Variants in KCNJ15 observed in about 807,000 individuals in gnomAD.
KCNJ15 encodes the protein ATP-sensitive inward rectifier potassium channel 15.
In KCNJ15, 14 loss-of-function variants were observed where a neutral mutation model predicts 23.0. The ratio of observed to expected loss-of-function variants is 0.61; its 90% CI spans 0.40 to 0.95. KCNJ15 has a LOEUF of 0.95. Among genes scored for constraint, KCNJ15 ranks in the 40% least tolerant of loss-of-function variants. The pLI, the probability that KCNJ15 is intolerant of heterozygous loss-of-function variation, is 0.00. For missense variants in KCNJ15, 388 were observed against 461.8 expected (o/e 0.84, Z 1.46); for synonymous variants, 185 against 183.2 (o/e 1.01, Z -0.08).
intron 1 of KCNJ15, among the ~76,000 whole-genome samples, chr21:38,289,977 C>T (rs917407616): frequency 2.0e-5 from 3 of 152,170 alleles, no homozygotes; most frequent in Non-Finnish European, 4.4e-5. Context: ...ATTTGCCCTC[C>T]GCTGCGGCAC....
intron 1 of KCNJ15, among the ~76,000 whole-genome samples, chr21:38,234,374 C>G (rs1978462057): frequency 2.6e-5 from 4 of 152,134 alleles, no homozygotes; most frequent in Non-Finnish European, 5.9e-5. Flanking sequence ...GATTGGACAC[C>G]CTTGTGTCCA....
chr21:38,276,806 T>G (rs184707859), intron 1 of KCNJ15, among the ~76,000 whole-genome samples: 1 of 152,196 alleles, frequency 6.6e-6, no homozygotes, highest in Non-Finnish European at 1.5e-5. Context: ...TTAAAAATAT[T>G]TTTTAAAACT....
rs554725302 is a variant in KCNJ15, at chr21:38,239,942, G to C, written c.-398-17104G>C. Among the ~76,000 whole-genome samples the C allele has an allele frequency of 4.6e-5, 7 of 152,290 alleles. No individual in the cohort carries two copies. In the South Asian group the frequency reaches 1.4e-3, roughly 32 times the overall value. On this transcript the variant is annotated intron_variant, in intron 1 of 4. Transcript: ENST00000547341. Reference sequence around the variant, plus strand: ...AGTTGACGTTAAAACATTAGAACAAGAATTGTGGTTTATTTACGTTTTCTT... The same window carrying C: ...AGTTGACGTTAAAACATTAGAACAACAATTGTGGTTTATTTACGTTTTCTT...
chr21:38,278,053 A>G (rs1272665650), intron 1 of KCNJ15, among the ~76,000 whole-genome samples: 4 of 152,180 alleles, frequency 2.6e-5, no homozygotes, highest in Middle Eastern at 3.2e-3. Flanking sequence ...GTAAACAGCT[A>G]TGTGTACTGT....
chr21:38,243,072 A>G (rs976355853), intron 1 of KCNJ15, among the ~76,000 whole-genome samples: 10 of 152,152 alleles, frequency 6.6e-5, no homozygotes, highest in Admixed American at 2.0e-4. Flanking sequence ...CTTGCTTTTA[A>G]TCTTCTTATC....
chr21:38,305,533 T>A lies in KCNJ15; in HGVS notation c.*5144T>A, dbSNP rs1233351592. The A allele has an allele frequency of 6.6e-6, 1 of 152,238 alleles. No individual in the cohort carries two copies. The highest frequency in any genetic ancestry group is 1.5e-5 in the Non-Finnish European group (1 of 68,048). The allele number at this position is 152,238 out of a possible 1,614,324, so 9.4% of individuals were successfully genotyped here. A position where few individuals can be genotyped will look rare whatever the true frequency, so the allele number is the denominator to read the frequency against. The stretch of plus-strand genomic sequence containing the variant: ...GATGTCATATATGTAGGCAAAGTCT[T>A]TGTAATCTGAATATAATGCCAGAGA... On this transcript the variant is annotated 3_prime_UTR_variant, in exon 3 of 3. Coordinates refer to ENST00000398938, the MANE Select transcript of KCNJ15 (RefSeq NM_170736.3).
intron 1 of KCNJ15, among the ~76,000 whole-genome samples, chr21:38,283,420 G>C (rs1399508689): frequency 6.6e-6 from 1 of 152,136 alleles, no homozygotes; most frequent in African/African-American, 2.4e-5. Context: ...GAAACAGAGA[G>C]ATTACCCTGC....
rs1985711518 is a variant in KCNJ15 at position 38,300,739 on chromosome 21, A to G, written c.*350A>G. ...AGGAAATGTATTTCTATACAAGATT[A>G]TTAGCTGTAATACAAGATATTTATT... On this transcript the variant is annotated 3_prime_UTR_variant, in exon 3 of 3. Transcript: ENST00000398938. 4.8e-6 allele frequency: 1 copy of G among 210,280 alleles called. No individual in the cohort carries two copies. The highest frequency in any genetic ancestry group is 2.3e-5 in the African/African-American group (1 of 42,686). 13.0% of individuals were successfully genotyped at this position (210,280 alleles called of 1,614,324 possible). A position where few individuals can be genotyped will look rare whatever the true frequency, so the allele number is the denominator to read the frequency against.
intron 1 of KCNJ15, among the ~76,000 whole-genome samples, chr21:38,290,765 T>A (rs1020086502): frequency 6.6e-6 from 1 of 152,068 alleles, no homozygotes; most frequent in Non-Finnish European, 1.5e-5. Context: ...CAGTAGCCAG[T>A]GAGATGGATA....
In KCNJ15 at chr21:38,304,660, A is replaced by ATTTTTTTTTTTTT. The variant is rs1167512010; in HGVS notation, c.*4272_*4273insTTTTTTTTTTTTT. On this transcript the variant is annotated 3_prime_UTR_variant, in exon 3 of 3. Transcript: ENST00000398938. The stretch of plus-strand genomic sequence containing the variant: ...CTTTACCCTTTGTAAACTTCAATTT[A>ATTTTTTTTTTTTT]TCTTTTTTTTTTTTTTTTTTTTTTT... The ATTTTTTTTTTTTT allele has an allele frequency of 4.9e-5, 2 of 41,118 alleles. No individual in the cohort carries two copies. Among genetic ancestry groups the ATTTTTTTTTTTTT allele is most frequent in the Non-Finnish European group, 1.4e-4 (2 of 14,368 alleles). The allele number at this position is 41,118 out of a possible 1,614,324, so 2.5% of individuals were successfully genotyped here.
At chr21:38,297,473 A>G (rs1433445050) in intron 2 of KCNJ15, among the ~76,000 whole-genome samples, 1 of 152,200 alleles carries the variant, frequency 6.6e-6, no homozygotes, top group Non-Finnish European at 1.5e-5. Context: ...AGTGGATTGA[A>G]TGGCATGCAG....
At chr21:38,247,560 GGATGGATGGAAA>G (rs1979526776) in intron 1 of KCNJ15, among the ~76,000 whole-genome samples, 2 of 151,704 alleles carry the variant, frequency 1.3e-5, no homozygotes, top group South Asian at 2.1e-4. Flanking sequence ...ATGGATGGAT[GGATGGATGGAAA>G]GATGCATGCA....
At chr21:38,295,884 G>A (rs1338075500) in intron 1 of KCNJ15, among the ~76,000 whole-genome samples, 1 of 152,190 alleles carries the variant, frequency 6.6e-6, no homozygotes, top group Non-Finnish European at 1.5e-5. Context: ...TCTTAATAGA[G>A]CAATGACAAA....
intron 1 of KCNJ15, among the ~76,000 whole-genome samples, chr21:38,275,797 AC>A (rs1251207363): frequency 6.6e-6 from 1 of 152,084 alleles, no homozygotes; most frequent in Non-Finnish European, 1.5e-5. Context: ...ATACTTTGCC[AC>A]CCCATAGTTT....
chr21:38,278,466 A>G (rs1292691099), intron 1 of KCNJ15, among the ~76,000 whole-genome samples: 3 of 152,212 alleles, frequency 2.0e-5, no homozygotes, highest in Non-Finnish European at 2.9e-5. Context: ...CCGACACAGT[A>G]CTAGTTACAT....
chr21:38,295,547 CT>C (rs11380765), intron 1 of KCNJ15, among the ~76,000 whole-genome samples: 33 of 147,324 alleles, frequency 2.2e-4, no homozygotes, highest in Admixed American at 5.4e-4. Context: ...GCAAGCTGCA[CT>C]TTTTTTTTTA....
At chr21:38,254,162 GAA>G (rs1980028754), upstream of KCNJ15, among the ~76,000 whole-genome samples, 1 of 152,166 alleles carries the variant, frequency 6.6e-6, no homozygotes, top group South Asian at 2.1e-4. Flanking sequence ...GAAATTTCCA[GAA>G]ATACTTAGAT....
At chr21:38,282,070 A>C (rs148207638) in intron 1 of KCNJ15, among the ~76,000 whole-genome samples, 1 of 152,266 alleles carries the variant, frequency 6.6e-6, no homozygotes, top group East Asian at 1.9e-4. Flanking sequence ...TCTTCTTTTG[A>C]GAAGTGTCGG....
rs1985872285 is a variant in KCNJ15, at chr21:38,302,528, G to C, written c.*2139G>C. The C allele has an allele frequency of 3.0e-5, 1 of 33,730 alleles. No individual in the cohort carries two copies. The highest frequency in any genetic ancestry group is 5.3e-5 in the Non-Finnish European group (1 of 18,764). 2.1% of individuals were successfully genotyped at this position (33,730 alleles called of 1,614,324 possible). A position where few individuals can be genotyped will look rare whatever the true frequency, so the allele number is the denominator to read the frequency against. On this transcript the variant is annotated 3_prime_UTR_variant, in exon 3 of 3. Coordinates refer to ENST00000398938, the MANE Select transcript of KCNJ15 (RefSeq NM_170736.3). ...GATAATTTTATGGAAGGTTGCTTTAGATCTCCATTCCTTAAAAAAATATTA... is the reference window on the plus strand; with the variant it reads ...GATAATTTTATGGAAGGTTGCTTTACATCTCCATTCCTTAAAAAAATATTA...
Sources: gnomAD v4.1 joint callset for allele counts (sites outside exome capture counted in the v4.1 genomes callset) on GRCh38, gnomAD v4.1.1 for gene constraint, MANE v1.5 for transcripts, NCBI Gene and HGNC (gene_info 2026-07-23, HGNC 2026-07-21) for gene names.